GRK2: variants seen among roughly 807,000 people sequenced by gnomAD.
The protein encoded by GRK2 is G protein-coupled receptor kinase 2.
Under a neutral mutation model 97.8 loss-of-function variants are expected in GRK2, and 23 were observed. That is an observed-to-expected ratio of 0.24 (90% CI 0.17 to 0.33). The LOEUF is 0.33. Ranked by LOEUF, GRK2 falls within the 10% of genes least tolerant of loss-of-function variation. GRK2 has a pLI of 1.00. For missense variants in GRK2, 633 were observed against 956.9 expected (o/e 0.66, Z 4.47); for synonymous variants, 425 against 381.7 (o/e 1.11, Z -1.32).
Position 67,285,133 on chromosome 11 carries a change from G to T in GRK2, c.1850G>T (p.Arg617Leu), listed in dbSNP as rs765341702. 1 of 1,613,484 alleles carries T rather than the reference G, an allele frequency of 6.2e-7. No homozygotes were observed. The highest frequency in any genetic ancestry group is 1.7e-5 in the Admixed American group (1 of 60,014). The change falls in exon 20 of 21, where the codon CGC becomes CTC. Residue 617 changes from arginine (R) to leucine (L), a missense_variant. Coordinates refer to ENST00000308595, the MANE Select transcript of GRK2 (RefSeq NM_001619.5). Reference sequence around the variant, plus strand: ...GTGGAGGAGACGCAGATCAAGGAGCGCAAGTGCCTGCTCCTCAAGATCCGC... The same window carrying T: ...GTGGAGGAGACGCAGATCAAGGAGCTCAAGTGCCTGCTCCTCAAGATCCGC... Reference protein sequence around the residue: ...QSVEETQIKERKCLLLKIRGG... With the variant: ...QSVEETQIKELKCLLLKIRGG...
In GRK2 at chr11:67,267,938, C is replaced by T. The variant is rs76761254; in HGVS notation, c.113+1126C>T. Among the ~76,000 whole-genome samples the T allele has an allele frequency of 7.3e-3, 1,105 of 152,366 alleles. 13 individuals carry two copies. Among genetic ancestry groups the T allele is most frequent in the African/African-American group, 0.025 (1,034 of 41,582 alleles). On this transcript the variant is annotated intron_variant, in intron 1 of 20. Coordinates refer to ENST00000308595, the MANE Select transcript of GRK2 (RefSeq NM_001619.5). The stretch of plus-strand genomic sequence containing the variant: ...TCAGACTTCTGGTTCTACATTTCAT[C>T]AGCTACCCTGGCCTGTGCCAGGGAG...
Position 67,279,426 on chromosome 11 carries a change from G to A in GRK2, c.273G>A (p.Lys91=). 6.2e-7 allele frequency: 1 copy of A among 1,613,238 alleles called. No homozygotes were observed. The highest frequency in any genetic ancestry group is 8.5e-7 in the Non-Finnish European group (1 of 1,179,992). ...GGAATCCTGTCCTCCAGATCAAGAA[G>A]TACGAGAAGCTGGAGACGGAGGAGG... ...PLVEFYEEIK[K]YEKLETEEER... is the part of the protein sequence containing the mutation. The change falls in exon 4 of 21, where the codon AAG becomes AAA. Residue 91 remains lysine (K), a synonymous_variant. Coordinates refer to ENST00000308595, the MANE Select transcript of GRK2 (RefSeq NM_001619.5).
chr11:67,281,430 G>T lies in GRK2; in HGVS notation c.648-29G>T. 6.3e-7 allele frequency: 1 copy of T among 1,599,832 alleles called. No individual in the cohort carries two copies. ...GCCCTGGGCCCCTGCTCTGAGGGTGGGTGTTGACTGCCGACCTCTGCCCCG... is the reference window on the plus strand; with the variant it reads ...GCCCTGGGCCCCTGCTCTGAGGGTGTGTGTTGACTGCCGACCTCTGCCCCG... On this transcript the variant is annotated intron_variant, in intron 8 of 20. Transcript: ENST00000308595. This position sits in a 1 kb window ranked among gnomAD's most constrained non-coding sequence, Gnocchi z 5.7.
rs753710294 is a variant in GRK2 at position 67,281,680 on chromosome 11, G to A, written c.778G>A (p.Ala260Thr). The A allele has an allele frequency of 1.0e-5, 16 of 1,594,354 alleles. No individual in the cohort carries two copies. Among genetic ancestry groups the A allele is most frequent in the South Asian group, 2.2e-5 (2 of 90,604 alleles). ...CCCATTCATTGTCTGCATGTCATACGCGTTCCACACGCCAGACAAGCTCAG... is the reference window on the plus strand; with the variant it reads ...CCCATTCATTGTCTGCATGTCATACACGTTCCACACGCCAGACAAGCTCAG... Reference protein sequence around the residue: ...DCPFIVCMSYAFHTPDKLSFI... With the variant: ...DCPFIVCMSYTFHTPDKLSFI... The change falls in exon 10 of 21, where the codon GCG (alanine) becomes ACG (threonine). Residue 260 changes from alanine (A) to threonine (T), a missense_variant. Coordinates refer to ENST00000308595, the MANE Select transcript of GRK2 (RefSeq NM_001619.5). This position sits in a 1 kb window ranked among gnomAD's most constrained non-coding sequence, Gnocchi z 5.7.
chr11:67,283,723 G>C lies in GRK2; in HGVS notation c.1345G>C (p.Glu449Gln), dbSNP rs573018580. Residue 449 changes from glutamate (E) to glutamine (Q), a missense_variant, in exon 16 of 21, where the codon GAG (glutamate) becomes CAG (glutamine). Transcript: ENST00000308595. Reference protein sequence around the residue: ...CLGRGAQEVKESPFFRSLDWQ... With the variant: ...CLGRGAQEVKQSPFFRSLDWQ... ...TCCCCACAGGGCTCAGGAGGTGAAA[G>C]AGAGCCCCTTTTTCCGCTCCCTGGA... 4 of 1,613,576 alleles carry C rather than the reference G, an allele frequency of 2.5e-6. No individual in the cohort carries two copies. In the South Asian group the frequency reaches 4.4e-5, roughly 18 times the overall value.
At chr11:67,279,132 A>C (rs1590851205) in intron 2 of GRK2, 68 bp from the exon 3 acceptor site, 2 of 1,384,478 alleles carry the variant, frequency 1.4e-6, no homozygotes, top group Non-Finnish European at 1.0e-6. Context: ...CCCAACCCAC[A>C]CCATCCACAA....
At chr11:67,284,084 C>T (rs1860218440) in intron 17 of GRK2, 127 bp from the exon 18 acceptor site, 1 of 1,468,760 alleles carries the variant, frequency 6.8e-7, no homozygotes, top group African/African-American at 1.4e-5. Flanking sequence ...CCTTGGCCAA[C>T]TTCCCTGGGG....
Position 67,266,618 on chromosome 11 carries a change from C to CGGCCG in GRK2, c.-71_-67dup, listed in dbSNP as rs1859804662. On this transcript the variant is annotated 5_prime_UTR_variant, in exon 1 of 21. Coordinates refer to ENST00000308595, the MANE Select transcript of GRK2 (RefSeq NM_001619.5). ...TCGGCGCCCGAGGCCGAGCGAGCCG[C>CGGCCG]GGCCGGGCCGGGCCGAGCGCCGAGC... The CGGCCG allele has an allele frequency of 1.3e-5, 7 of 547,662 alleles. No individual in the cohort carries two copies. The highest frequency in any genetic ancestry group is 7.4e-5 in the South Asian group (1 of 13,444). 33.9% of individuals were successfully genotyped at this position (547,662 alleles called of 1,614,324 possible).
At chr11:67,280,468 C>T in intron 6 of GRK2, 1 of 566,498 alleles carries the variant, frequency 1.8e-6, no homozygotes, top group Non-Finnish European at 3.2e-6. Flanking sequence ...ACTGGAAGAC[C>T]TCCTTTCTGT....
At position 67,284,983 on chromosome 11, in the gene GRK2, G is replaced by A. The variant is rs1860240425; in HGVS notation, c.1791G>A (p.Pro597=). 5 of 1,611,984 alleles carry A rather than the reference G, an allele frequency of 3.1e-6. No homozygotes were observed. The highest frequency in any genetic ancestry group is 4.2e-6 in the Non-Finnish European group (5 of 1,179,784). The change falls in exon 19 of 21, where the codon CCG becomes CCA. Residue 597 remains proline, a splice_region_variant and synonymous_variant. Transcript: ENST00000308595. ...RLEWRGEGEA[P]QSLLTMEEIQ... is the part of the protein sequence containing the mutation. ...AGTGGCGGGGCGAGGGCGAGGCCCC[G>A]GTAAGGAGCCCGTGCGGGGGTCCGG...
intron 4 of GRK2, 45 bp downstream of exon 4, chr11:67,279,564 G>C: frequency 6.2e-7 from 1 of 1,612,510 alleles, no homozygotes; most frequent in Admixed American, 1.7e-5. Context: ...AGAGTCACCT[G>C]CAGATTGGGA....
Position 67,285,689 on chromosome 11 carries a change from G to A in GRK2, c.*239G>A. On this transcript the variant is annotated 3_prime_UTR_variant, in exon 21 of 21. Coordinates refer to ENST00000308595, the MANE Select transcript of GRK2 (RefSeq NM_001619.5). ...GCCCGCTCCCAGTGTCTTCCTGTGG[G>A]GGAAGAGCACAGCCCTCCCGCCCCT... is the stretch of plus-strand genomic sequence containing the variant. The A allele has an allele frequency of 1.8e-6, 1 of 540,808 alleles. No individual in the cohort carries two copies. The highest frequency in any genetic ancestry group is 3.2e-6 in the Non-Finnish European group (1 of 310,848). 33.5% of individuals were successfully genotyped at this position (540,808 alleles called of 1,614,324 possible). A position where few individuals can be genotyped will look rare whatever the true frequency, so the allele number is the denominator to read the frequency against.
At chr11:67,279,939 G>T (rs1565066394) in intron 6 of GRK2, 39 bp downstream of exon 6, 1 of 1,597,702 alleles carries the variant, frequency 6.3e-7, no homozygotes, top group South Asian at 1.1e-5. Context: ...GGGGGAGGGA[G>T]GGGCCGCTCT....
chr11:67,283,414 A>C (rs1158992303), intron 15 of GRK2, 186 bp downstream of exon 15: 1 of 627,892 alleles, frequency 1.6e-6, no homozygotes, highest in East Asian at 2.7e-5. Flanking sequence ...GAGCTGCTGG[A>C]ACCAGCTAGT....
chr11:67,280,331 T>C, intron 6 of GRK2: 1 of 377,618 alleles, frequency 2.6e-6, no homozygotes, highest in East Asian at 6.0e-5. Flanking sequence ...TTCAGCCAGC[T>C]TTAGGGAGCA....
In GRK2 at chr11:67,274,696, G is replaced by A. The variant is rs531382670; in HGVS notation, c.114-2576G>A. Among the ~76,000 whole-genome samples, 10 of 151,668 alleles carry A rather than the reference G, an allele frequency of 6.6e-5. No homozygotes were observed. The South Asian group carries it at 1.7e-3, about 25-fold the overall frequency. ...TCTGCAGGTGCCAAGGGCAGGGACC[G>A]TGTCTTTCTCAATTCAAGAGATTTT... On this transcript the variant is annotated intron_variant, in intron 1 of 20. Transcript: ENST00000308595.
Position 67,282,093 on chromosome 11 carries a change from C to T in GRK2, c.957+141C>T. ...CTTCCCATCTCCGCCCCTGCCCTTC[C>T]CACCGAGCCACTCTCTGGGTCCAGG... On this transcript the variant is annotated intron_variant, in intron 11 of 20. Transcript: ENST00000308595. The surrounding 1 kb of genome is among the most constrained non-coding windows in gnomAD (Gnocchi z 6.9). The T allele has an allele frequency of 7.8e-7, 1 of 1,278,518 alleles. No homozygotes were observed. The highest frequency in any genetic ancestry group is 1.1e-6 in the Non-Finnish European group (1 of 917,016). The allele number at this position is 1,278,518 out of a possible 1,614,324, so 79.2% of individuals were successfully genotyped here. A position where few individuals can be genotyped will look rare whatever the true frequency, so the allele number is the denominator to read the frequency against.
At chr11:67,277,565 G>A (rs534447948) in intron 2 of GRK2, among the ~76,000 whole-genome samples, 2 of 152,376 alleles carry the variant, frequency 1.3e-5, no homozygotes, top group East Asian at 3.9e-4. Flanking sequence ...GGGGGTGGGG[G>A]CCCAGAGTCT....
Position 67,285,574 on chromosome 11 carries a change from C to T in GRK2, c.*124C>T. 1 of 1,276,472 alleles carries T rather than the reference C, an allele frequency of 7.8e-7. No homozygotes were observed. The highest frequency in any genetic ancestry group is 1.0e-6 in the Non-Finnish European group (1 of 964,294). 79.1% of individuals were successfully genotyped at this position (1,276,472 alleles called of 1,614,324 possible). ...TGATTTCCCGTGGCCCCAGCCTGGCCCAGCTCCCCCGGGAGGGGCCCGCTT... is the reference window on the plus strand; with the variant it reads ...TGATTTCCCGTGGCCCCAGCCTGGCTCAGCTCCCCCGGGAGGGGCCCGCTT... On this transcript the variant is annotated 3_prime_UTR_variant, in exon 21 of 21. Coordinates refer to ENST00000308595, the MANE Select transcript of GRK2 (RefSeq NM_001619.5).
Sources: allele counts gnomAD v4.1 joint callset (sites outside exome capture counted in the v4.1 genomes callset), GRCh38; gene constraint gnomAD v4.1.1; non-coding constraint Gnocchi (gnomAD v3.1); transcripts MANE v1.5; gene names NCBI Gene and HGNC (gene_info 2026-07-23, HGNC 2026-07-21).